Variants in ZBTB20 observed in about 807,000 individuals in gnomAD.
The protein encoded by ZBTB20 is zinc finger and BTB domain-containing protein 20.
ZBTB20 carries 9 observed loss-of-function variants against 56.9 expected under a neutral mutation model. The ratio of observed to expected loss-of-function variants is 0.16; its 90% confidence interval spans 0.10 to 0.28. The LOEUF (loss-of-function observed/expected upper bound fraction) is 0.28, where lower values mean the gene tolerates loss of function less well. Ranked by LOEUF, ZBTB20 falls within the 10% of genes least tolerant of loss-of-function variation. The pLI is 1.00. For synonymous variants in ZBTB20, 417 were observed against 420.7 expected, an observed-to-expected ratio of 0.99 and a Z score of 0.11; for missense variants, 655 against 1,003.0, an observed-to-expected ratio of 0.65 and a Z score of 4.69.
chr3:115,000,024 T>A (rs188903212), intron 2 of ZBTB20, among the ~76,000 whole-genome samples: 36 of 151,676 alleles, frequency 2.4e-4, no homozygotes, highest in Non-Finnish European at 5.9e-5. Flanking sequence ...ACCTAGACTA[T>A]TTAGTGTTGG....
chr3:114,934,004 A>G (rs745472677), intron 3 of ZBTB20, among the ~76,000 whole-genome samples: 1 of 152,144 alleles, frequency 6.6e-6, no homozygotes, highest in African/African-American at 2.4e-5. Flanking sequence ...CTAATACCAC[A>G]GGAAAGGGTC....
At chr3:114,374,879 C>A (rs1227695356) in intron 10 of ZBTB20, among the ~76,000 whole-genome samples, 3 of 152,148 alleles carry the variant, frequency 2.0e-5, no homozygotes, top group Admixed American at 6.5e-5. Context: ...TGAACAGGTG[C>A]CTCAGGAAGT....
chr3:114,630,436 G>T (rs1255173861), intron 6 of ZBTB20, among the ~76,000 whole-genome samples: 1 of 152,188 alleles, frequency 6.6e-6, no homozygotes, highest in East Asian at 1.9e-4. Context: ...GAGGCACTCT[G>T]CTATAAATTG....
At chr3:114,495,285 G>C (rs909692625) in intron 7 of ZBTB20, among the ~76,000 whole-genome samples, 1 of 152,152 alleles carries the variant, frequency 6.6e-6, no homozygotes, top group Non-Finnish European at 1.5e-5. Flanking sequence ...CGTGAATGTG[G>C]GGGAGAGTGG....
chr3:114,371,465 C>A (rs909671213), intron 10 of ZBTB20, among the ~76,000 whole-genome samples: 3 of 152,146 alleles, frequency 2.0e-5, no homozygotes, highest in African/African-American at 7.2e-5. Flanking sequence ...GGGGACATAT[C>A]TTTAACCACG....
chr3:114,582,378 G>A (rs1361422160), intron 6 of ZBTB20: 2 of 151,224 alleles, frequency 1.3e-5, no homozygotes, highest in African/African-American at 4.9e-5. Context: ...ATACTTCCAT[G>A]TGTTTTAATT....
chr3:114,827,668 C>G (rs763501348), intron 4 of ZBTB20, among the ~76,000 whole-genome samples: 44 of 151,716 alleles, frequency 2.9e-4, no homozygotes, highest in Admixed American at 4.6e-4. Context: ...AGGGGGAGAG[C>G]TAAGGTCAAG....
chr3:114,759,693 A>T (rs1382357946), intron 5 of ZBTB20, among the ~76,000 whole-genome samples: 1 of 145,680 alleles, frequency 6.9e-6, no homozygotes. Context: ...ATTTAGCCTT[A>T]AAAAAAAAAT....
At chr3:114,690,815 TGATTTAAGTA>T (rs1297707733) in intron 6 of ZBTB20, among the ~76,000 whole-genome samples, 1 of 152,180 alleles carries the variant, frequency 6.6e-6, no homozygotes, top group African/African-American at 2.4e-5. Flanking sequence ...GTGTTACATT[TGATTTAAGTA>T]GATTTGCCAT....
chr3:114,959,567 G>A (rs539940906), intron 3 of ZBTB20, among the ~76,000 whole-genome samples: 4 of 152,126 alleles, frequency 2.6e-5, no homozygotes, highest in African/African-American at 7.2e-5. Context: ...CACCAAATGC[G>A]GTTTTTGTTT....
chr3:114,430,202 A>G (rs565877972), intron 7 of ZBTB20, among the ~76,000 whole-genome samples: 1 of 152,364 alleles, frequency 6.6e-6, no homozygotes, highest in South Asian at 2.1e-4. Context: ...AAGGAGAAAG[A>G]TAACATGTGA....
intron 5 of ZBTB20, among the ~76,000 whole-genome samples, chr3:114,797,128 T>C (rs770249144): frequency 4.6e-5 from 7 of 151,906 alleles, no homozygotes; most frequent in East Asian, 1.9e-4. Context: ...AGCTCTGTCA[T>C]GTTTAAGCTG....
chr3:114,651,267 C>T (rs1215094193), intron 6 of ZBTB20, among the ~76,000 whole-genome samples: 1 of 151,822 alleles, frequency 6.6e-6, no homozygotes, highest in African/African-American at 2.4e-5. Context: ...TTGTTGGGGA[C>T]AGCTAGAAAG....
At chr3:115,073,600 T>C (rs529333836) in intron 1 of ZBTB20, among the ~76,000 whole-genome samples, 2 of 152,162 alleles carry the variant, frequency 1.3e-5, no homozygotes, top group African/African-American at 4.8e-5. Flanking sequence ...TGGCACAAAA[T>C]TAACTTTTAG....
intron 6 of ZBTB20, among the ~76,000 whole-genome samples, chr3:114,583,911 T>C (rs1379826527): frequency 6.6e-6 from 1 of 152,196 alleles, no homozygotes; most frequent in Admixed American, 6.5e-5. Context: ...ATGAAAGTTT[T>C]AGGCCGAGCT....
chr3:114,574,256 C>T (rs114837634), intron 6 of ZBTB20, among the ~76,000 whole-genome samples: 2,312 of 152,122 alleles, frequency 0.015, 65 homozygotes, highest in African/African-American at 0.052. Flanking sequence ...CACCTCTGTA[C>T]CTAAATCTTT....
At chr3:114,506,054 C>T (rs2044571733) in intron 6 of ZBTB20, among the ~76,000 whole-genome samples, 1 of 152,052 alleles carries the variant, frequency 6.6e-6, no homozygotes, top group Non-Finnish European at 1.5e-5. Flanking sequence ...GGGTTTCCTG[C>T]AGGACAGATT....
chr3:114,412,773 G>A (rs77553414), intron 7 of ZBTB20, among the ~76,000 whole-genome samples: 4,109 of 152,104 alleles, frequency 0.027, 75 homozygotes, highest in South Asian at 0.06. Flanking sequence ...AGAAAACATC[G>A]CCTTCTACTT....
chr3:114,788,942 C>T (rs2070750022), intron 5 of ZBTB20, among the ~76,000 whole-genome samples: 1 of 152,050 alleles, frequency 6.6e-6, no homozygotes, highest in African/African-American at 2.4e-5. Context: ...TCTCATGAGA[C>T]TTATTCACTA....
Sources: gnomAD v4.1 joint callset for allele counts (sites outside exome capture counted in the v4.1 genomes callset) on GRCh38, gnomAD v4.1.1 for gene constraint, MANE v1.5 for transcripts, NCBI Gene and HGNC (gene_info 2026-07-23, HGNC 2026-07-21) for gene names.